Variants in SRRM1 observed in about 807,000 individuals in gnomAD.
SRRM1 encodes the protein serine and arginine repetitive matrix 1.
A neutral mutation model predicts 110.2 loss-of-function variants in SRRM1; 19 were observed. That is an observed-to-expected ratio of 0.17 (90% CI 0.12 to 0.25). The LOEUF is 0.25. SRRM1 is among the 10% of genes least tolerant of loss of function. The pLI is 1.00. For synonymous variants in SRRM1, 443 were observed against 414.9 expected (o/e 1.07, Z -0.82); for missense variants, 918 against 1,145.8 (o/e 0.80, Z 2.87).
chr1:24,646,537 A>AC (rs1657736554), intron 2 of SRRM1, 130 bp from the exon 3 acceptor site: 9 of 732,906 alleles, frequency 1.2e-5, no homozygotes, highest in Non-Finnish European at 1.9e-5. Flanking sequence ...AAAAAAAAAA[A>AC]AAATTAGCAG....
chr1:24,643,485 C>CG (rs1166093551), intron 1 of SRRM1, 138 bp downstream of exon 1: 2 of 264,800 alleles, frequency 7.6e-6, no homozygotes, highest in Non-Finnish European at 1.2e-5. Flanking sequence ...CCGGCGCACC[C>CG]CCCCCCCCCC....
rs1668831589 is a variant in SRRM1, at chr1:24,664,374, A to C, written c.1628+1570A>C. ...GTAAAATTTTAGAGCCAAATCCCTA[A>C]TTCAGGCCTTACTCTCATAAGTGAG... On this transcript the variant is annotated intron_variant, in intron 12 of 16. Transcript: ENST00000323848. 2.0e-5 allele frequency among the ~76,000 whole-genome samples: 3 copies of C among 152,234 alleles called. No homozygotes were observed. The South Asian group carries it at 6.2e-4, about 32-fold the overall frequency.
intron 2 of SRRM1, 64 bp downstream of exon 2, chr1:24,646,137 G>T: frequency 7.5e-7 from 1 of 1,332,066 alleles, no homozygotes; most frequent in Non-Finnish European, 1.1e-6. Flanking sequence ...AAGTTCTGGG[G>T]TTGTTTTGGA....
At chr1:24,665,326 G>A (rs1294321637) in intron 12 of SRRM1, among the ~76,000 whole-genome samples, 1 of 152,140 alleles carries the variant, frequency 6.6e-6, no homozygotes, top group Non-Finnish European at 1.5e-5. Flanking sequence ...CTACTCGGGA[G>A]GCTCAGGCAG....
At chr1:24,646,582 A>C in intron 2 of SRRM1, 85 bp from the exon 3 acceptor site, 2 of 1,242,452 alleles carry the variant, frequency 1.6e-6, no homozygotes, top group Non-Finnish European at 2.2e-6. Context: ...CTAAGCTAAA[A>C]GGAACTTTGG....
At chr1:24,651,293 A>T in intron 5 of SRRM1, 116 bp from the exon 6 acceptor site, 1 of 794,562 alleles carries the variant, frequency 1.3e-6, no homozygotes, top group Non-Finnish European at 2.0e-6. Flanking sequence ...TTCCATAGGG[A>T]AACATCTCAG....
Position 24,660,754 on chromosome 1 carries a change from C to T in SRRM1, c.1351C>T (p.Pro451Ser), listed in dbSNP as rs1417962107. 1 of 1,591,164 alleles carries T rather than the reference C, an allele frequency of 6.3e-7. No individual in the cohort carries two copies. Among genetic ancestry groups the T allele is most frequent in the Non-Finnish European group, 8.5e-7 (1 of 1,170,364 alleles). Residue 451 changes from proline to serine, a missense_variant, in exon 10 of 17, where the codon CCT becomes TCT. Physicochemically the swap from Pro to Ser is moderately conservative, Grantham distance 74. This residue lies in a region of SRRM1 where 456 missense variants were observed against 453.5 expected (regional missense o/e 1.01). Transcript: ENST00000323848. ...TAAAGGTACTGAGAAAAGAGAATCCCCTTCACCAGCACCGAAGCCTAGAAA... is the reference window on the plus strand; with the variant it reads ...TAAAGGTACTGAGAAAAGAGAATCCTCTTCACCAGCACCGAAGCCTAGAAA... ...KHKGTEKRES[P>S]SPAPKPRKVE...
intron 13 of SRRM1, 129 bp from the exon 14 acceptor site, chr1:24,668,994 C>T (rs1238266773): frequency 2.9e-6 from 2 of 691,196 alleles, no homozygotes; most frequent in Non-Finnish European, 4.8e-6. Context: ...ATAAAGATAG[C>T]ATGTTCACTT....
intron 1 of SRRM1, 165 bp downstream of exon 1, chr1:24,643,512 G>T: frequency 1.8e-6 from 1 of 568,420 alleles, no homozygotes. Flanking sequence ...CTGCGGCGGA[G>T]ACCGGTGCGC....
At chr1:24,671,943 T>G (rs551206660) in intron 16 of SRRM1, among the ~76,000 whole-genome samples, 13 of 152,120 alleles carry the variant, frequency 8.5e-5, no homozygotes, top group African/African-American at 3.1e-4. Context: ...TATTATACTT[T>G]AAGTTTTAGG....
intron 5 of SRRM1, among the ~76,000 whole-genome samples, 154 bp downstream of exon 5, chr1:24,650,240 A>C (rs958073702): frequency 1.3e-5 from 2 of 152,232 alleles, no homozygotes; most frequent in Admixed American, 1.3e-4. Flanking sequence ...GGACTAAAGA[A>C]ATCTGTCATA....
chr1:24,643,545 G>A (rs1436602547), intron 1 of SRRM1, 198 bp downstream of exon 1: 52 of 446,322 alleles, frequency 1.2e-4, no homozygotes, highest in African/African-American at 1.1e-3. Flanking sequence ...TCCTCCTCCG[G>A]AATGGTCCCC....
At chr1:24,660,185 G>A (rs1244100790) in intron 9 of SRRM1, among the ~76,000 whole-genome samples, 1 of 152,160 alleles carries the variant, frequency 6.6e-6, no homozygotes, top group African/African-American at 2.4e-5. Flanking sequence ...TTGAGTGTGA[G>A]GGAGTGAGTG....
Position 24,652,607 on chromosome 1 carries a change from G to A in SRRM1, c.899G>A (p.Arg300Gln), listed in dbSNP as rs373796825. The change falls in exon 7 of 17, where the codon CGG (arginine) becomes CAG (glutamine). Residue 300 changes from arginine to glutamine, a missense_variant. Physicochemically the swap from Arg to Gln is conservative, Grantham distance 43. Transcript: ENST00000323848. The stretch of plus-strand genomic sequence containing the variant: ...TCTCCTTCTCACACTCGACCTAGAC[G>A]GCGCCATAGATCCCGATCAAGGTGA... ...SRSPSHTRPR[R>Q]RHRSRSRSYS... 4.4e-6 allele frequency: 7 copies of A among 1,604,938 alleles called. No individual in the cohort carries two copies. Among genetic ancestry groups the A allele is most frequent in the South Asian group, 3.4e-5 (3 of 89,042 alleles).
At chr1:24,672,141 A>G in intron 16 of SRRM1, 41 bp from the exon 17 acceptor site, 1 of 1,472,496 alleles carries the variant, frequency 6.8e-7, no homozygotes, top group African/African-American at 1.4e-5. Context: ...ATTTCCCACC[A>G]GGGTCTCAAG....
At chr1:24,653,100 T>A in intron 8 of SRRM1, 68 bp downstream of exon 8, 1 of 1,480,940 alleles carries the variant, frequency 6.8e-7, no homozygotes, top group Non-Finnish European at 9.2e-7. Context: ...TTTAGGATAA[T>A]CTGTAAATTA....
At chr1:24,651,343 T>C in intron 5 of SRRM1, 66 bp from the exon 6 acceptor site, 1 of 1,289,762 alleles carries the variant, frequency 7.8e-7, no homozygotes, top group Admixed American at 2.1e-5. Flanking sequence ...TCCTCACTTC[T>C]CCCTTTGACT....
chr1:24,650,771 A>T (rs1660184805), intron 5 of SRRM1: 1 of 152,206 alleles, frequency 6.6e-6, no homozygotes, highest in East Asian at 1.9e-4. Flanking sequence ...TGGAAGTAAT[A>T]TTTATAGAGC....
In SRRM1 at chr1:24,651,386, G is replaced by GA. The variant is rs776371773; in HGVS notation, c.522-16dup. 7.2e-5 allele frequency: 116 copies of GA among 1,602,326 alleles called. No individual in the cohort carries two copies. In the Admixed American group the frequency reaches 8.7e-4, roughly 12 times the overall value. On this transcript the variant is annotated intron_variant, in intron 5 of 16. Transcript: ENST00000323848. ...TCCAATCCATGTTATTTAAAAACCT[G>GA]AAAAAAATTACTTTCATCCTAGACG...
Sources: gnomAD v4.1 joint callset for allele counts (sites outside exome capture counted in the v4.1 genomes callset) on GRCh38, gnomAD v4.1.1 for gene constraint, gnomAD v4.1.1 regional missense constraint, MANE v1.5 for transcripts, NCBI Gene and HGNC (gene_info 2026-07-23, HGNC 2026-07-21) for gene names.